PDE3A: variants seen among roughly 807,000 people sequenced by gnomAD.
The protein encoded by PDE3A is phosphodiesterase 3A.
Under a neutral mutation model 98.3 loss-of-function variants are expected in PDE3A, and 43 were observed. The observed-to-expected ratio is 0.44, with a 90% CI of 0.34 to 0.56. The LOEUF (loss-of-function observed/expected upper bound fraction) is 0.56, where lower values mean the gene tolerates loss of function less well. Ranked by LOEUF, PDE3A falls within the 20% of genes least tolerant of loss-of-function variation. The pLI is 0.01. For missense variants in PDE3A, 1,427 were observed against 1,440.7 expected, an observed-to-expected ratio of 0.99 and a Z score of 0.15; for synonymous variants, 663 against 567.9, an observed-to-expected ratio of 1.17 and a Z score of -2.38.
intron 1 of PDE3A, among the ~76,000 whole-genome samples, chr12:20,372,245 G>A (rs145780705): frequency 5.9e-5 from 9 of 152,186 alleles, no homozygotes; most frequent in South Asian, 2.1e-4. Context: ...GTTGGAAAAT[G>A]CATAATCGCA....
At chr12:20,634,155 G>T (rs1944447639) in intron 7 of PDE3A, among the ~76,000 whole-genome samples, 1 of 151,992 alleles carries the variant, frequency 6.6e-6, no homozygotes, top group African/African-American at 2.4e-5. Context: ...AAACACAAGA[G>T]GCCATTTTAT....
At chr12:20,521,901 G>T (rs113595563) in intron 1 of PDE3A, among the ~76,000 whole-genome samples, 1 of 152,032 alleles carries the variant, frequency 6.6e-6, no homozygotes, top group Non-Finnish European at 1.5e-5. Context: ...CAGGAAAACC[G>T]CAACCACTTG....
At chr12:20,635,411 ATACCAAAAT>A (rs1433961028) in intron 8 of PDE3A, among the ~76,000 whole-genome samples, 2 of 152,100 alleles carry the variant, frequency 1.3e-5, no homozygotes, top group Non-Finnish European at 2.9e-5. Context: ...TCTACTAAAA[ATACCAAAAT>A]TACCAAAATT....
At chr12:20,654,371 C>T (rs1007552650) in intron 15 of PDE3A, among the ~76,000 whole-genome samples, 166 bp downstream of exon 15, 1 of 152,168 alleles carries the variant, frequency 6.6e-6, no homozygotes, top group African/African-American at 2.4e-5. Context: ...ATAGAAATCC[C>T]AGACTATGGA....
intron 2 of PDE3A, among the ~76,000 whole-genome samples, chr12:20,601,185 C>A (rs1215416691): frequency 1.3e-5 from 2 of 152,140 alleles, no homozygotes; most frequent in Non-Finnish European, 2.9e-5. Flanking sequence ...TATGTAAGAT[C>A]TGGTCAGAGA....
chr12:20,557,436 G>A (rs959468860), intron 2 of PDE3A, among the ~76,000 whole-genome samples: 23 of 152,280 alleles, frequency 1.5e-4, no homozygotes, highest in African/African-American at 5.3e-4. Context: ...CTCATGGCAG[G>A]CTATGGTTAC....
chr12:20,413,702 T>G (rs1443548950), intron 1 of PDE3A, among the ~76,000 whole-genome samples: 1 of 152,100 alleles, frequency 6.6e-6, no homozygotes, highest in African/African-American at 2.4e-5. Context: ...GAAATGAACC[T>G]TAAAGGAAGC....
rs761134683 is a variant in PDE3A at position 20,630,020 on chromosome 12, T to G, written c.1653T>G (p.Ala551=). 1 of 1,613,996 alleles carries G rather than the reference T, an allele frequency of 6.2e-7. No individual in the cohort carries two copies. Among genetic ancestry groups the G allele is most frequent in the South Asian group, 1.1e-5 (1 of 91,082 alleles). ...CTGCAGTGCAGTTTCCAGAATCTGC[T>G]GACACAACTGCCAAACAAAGCCTAG... ...KISAVQFPES[A]DTTAKQSLGS... Residue 551 remains alanine (A), a synonymous_variant, in exon 6 of 16, where the codon GCT becomes GCG. Transcript: ENST00000359062.
chr12:20,458,636 C>T (rs1013416258), intron 1 of PDE3A, among the ~76,000 whole-genome samples: 5 of 152,110 alleles, frequency 3.3e-5, no homozygotes, highest in Non-Finnish European at 5.9e-5. Flanking sequence ...TGTCTTTCTA[C>T]CTACTGTCAG....
intron 15 of PDE3A, among the ~76,000 whole-genome samples, chr12:20,677,421 C>T (rs1277885492): frequency 1.3e-5 from 2 of 151,756 alleles, no homozygotes; most frequent in Non-Finnish European, 2.9e-5. Flanking sequence ...GCAGTGGTAT[C>T]TGTGTATCTG....
In PDE3A at chr12:20,633,676, C is replaced by T; in HGVS notation, c.1761-17C>T. The T allele has an allele frequency of 6.5e-7, 1 of 1,548,796 alleles. No individual in the cohort carries two copies. Among genetic ancestry groups the T allele is most frequent in the Non-Finnish European group, 8.9e-7 (1 of 1,128,078 alleles). ...AAAAGAGGAGGCTACACCTATAGCT[C>T]TTCCAATATTTTTTAGCTGTGGCAG... On this transcript the variant is annotated splice_polypyrimidine_tract_variant and intron_variant, in intron 6 of 15. Coordinates refer to ENST00000359062, the MANE Select transcript of PDE3A (RefSeq NM_000921.5).
chr12:20,401,880 G>C (rs1024227911), intron 1 of PDE3A, among the ~76,000 whole-genome samples: 1 of 152,150 alleles, frequency 6.6e-6, no homozygotes, highest in East Asian at 1.9e-4. Context: ...AAATGTTTTT[G>C]AGGCAATGAG....
chr12:20,534,201 G>A (rs934825308), intron 1 of PDE3A, among the ~76,000 whole-genome samples: 24 of 152,174 alleles, frequency 1.6e-4, no homozygotes, highest in Non-Finnish European at 3.1e-4. Context: ...TCCCTCTAGA[G>A]AATGAGAGTT....
intron 1 of PDE3A, among the ~76,000 whole-genome samples, chr12:20,528,926 A>G (rs988723707): frequency 1.3e-5 from 2 of 152,158 alleles, no homozygotes; most frequent in Admixed American, 1.3e-4. Flanking sequence ...AATAAGAATA[A>G]TATTTTAAGT....
chr12:20,496,038 CCT>C (rs1321337592), intron 1 of PDE3A, among the ~76,000 whole-genome samples: 3 of 152,080 alleles, frequency 2.0e-5, no homozygotes, highest in African/African-American at 7.2e-5. Context: ...CACATTTCCC[CCT>C]CTTTCGTACT....
At chr12:20,621,108 C>T (rs139927373) in intron 4 of PDE3A, among the ~76,000 whole-genome samples, 188 bp from the exon 5 acceptor site, 1 of 152,150 alleles carries the variant, frequency 6.6e-6, no homozygotes, top group Non-Finnish European at 1.5e-5. Flanking sequence ...ATCCCTGCAA[C>T]AGAGATTGTT....
At chr12:20,649,311 C>A (rs1207970008) in intron 13 of PDE3A, among the ~76,000 whole-genome samples, 1 of 151,946 alleles carries the variant, frequency 6.6e-6, no homozygotes, top group Non-Finnish European at 1.5e-5. Flanking sequence ...TATGAACTCC[C>A]ATATTTCAAA....
intron 1 of PDE3A, among the ~76,000 whole-genome samples, chr12:20,411,633 T>G (rs961085411): frequency 6.6e-6 from 1 of 151,362 alleles, no homozygotes; most frequent in African/African-American, 2.4e-5. Flanking sequence ...ATTCCCTCCC[T>G]GCTTACTGTC....
At chr12:20,626,486 T>A (rs532104993) in intron 5 of PDE3A, among the ~76,000 whole-genome samples, 17 of 152,136 alleles carry the variant, frequency 1.1e-4, no homozygotes, top group African/African-American at 3.4e-4. Context: ...ACACTTTTTT[T>A]ATATTTATTT....
Sources: allele counts gnomAD v4.1 joint callset (sites outside exome capture counted in the v4.1 genomes callset), GRCh38; gene constraint gnomAD v4.1.1; transcripts MANE v1.5; gene names NCBI Gene and HGNC (gene_info 2026-07-23, HGNC 2026-07-21).